SLC8A2: variants seen among roughly 807,000 people sequenced by gnomAD.
The protein encoded by SLC8A2 is solute carrier family 8 member A2.
Under a neutral mutation model 70.2 loss-of-function variants are expected in SLC8A2, and 14 were observed. The ratio of observed to expected loss-of-function variants is 0.20; its 90% CI spans 0.13 to 0.31. The LOEUF is 0.31. Among genes scored for constraint, SLC8A2 ranks in the 10% least tolerant of loss-of-function variants. The pLI, the probability that SLC8A2 is intolerant of heterozygous loss-of-function variation, is 1.00. For missense variants in SLC8A2, 779 were observed against 1,320.1 expected (o/e 0.59, Z 6.35); for synonymous variants, 575 against 594.3 (o/e 0.97, Z 0.47).
chr19:47,458,006 A>T (rs1292429034), intron 2 of SLC8A2, among the ~76,000 whole-genome samples: 1 of 151,298 alleles, frequency 6.6e-6, no homozygotes, highest in Admixed American at 6.6e-5. Flanking sequence ...ATGCGCCACC[A>T]TGGCCAGCTA....
intron 6 of SLC8A2, among the ~76,000 whole-genome samples, chr19:47,439,433 G>A (rs1360166728): frequency 6.6e-6 from 1 of 152,138 alleles, no homozygotes; most frequent in Non-Finnish European, 1.5e-5. Flanking sequence ...TCGGGAGGCT[G>A]AGGCAGGAGA....
In SLC8A2 at chr19:47,432,400, G is replaced by A; in HGVS notation, c.2156C>T (p.Pro719Leu). Residue 719 changes from proline to leucine, a missense_variant, in exon 9 of 10, where the codon CCG becomes CTG. Physicochemically the swap from Pro to Leu is moderately conservative, Grantham distance 98. This residue lies in a region of SLC8A2 where 247 missense variants were observed against 362.8 expected (regional missense o/e 0.68). Coordinates refer to ENST00000236877, the MANE Select transcript of SLC8A2 (RefSeq NM_015063.3). The surrounding 1 kb of genome is among the most constrained non-coding windows in gnomAD (Gnocchi z 6.2). ...EEDGSREERL[P>L]SCFDYVMHFL... ...GTGCATCACGTAGTCAAAGCACGACGGCAGCCGCTCCTCCCGGGACCCGTC... is the reference window on the plus strand; with the variant it reads ...GTGCATCACGTAGTCAAAGCACGACAGCAGCCGCTCCTCCCGGGACCCGTC... 2.5e-6 allele frequency: 4 copies of A among 1,611,318 alleles called. No individual in the cohort carries two copies. The highest frequency in any genetic ancestry group is 1.7e-6 in the Non-Finnish European group (2 of 1,178,628).
At position 47,466,313 on chromosome 19, in the gene SLC8A2, G is replaced by T. The variant is rs1199078953; in HGVS notation, c.91C>A (p.Pro31Thr). The change falls in exon 2 of 10, where the codon CCC (proline) becomes ACC (threonine). Residue 31 changes from proline (P) to threonine (T), a missense_variant. Physicochemically the swap from Pro to Thr is conservative, Grantham distance 38. Around this residue, in one of 6 missense-constraint regions of SLC8A2, gnomAD observed 65 missense variants for 61.3 expected, o/e 1.06. Transcript: ENST00000236877. This position sits in a 1 kb window ranked among gnomAD's most constrained non-coding sequence, Gnocchi z 6.9. ...AATPTPSLPP[P>T]PANDSDTSTG... ...CTGGTGTCGCTGTCATTGGCCGGGG[G>T]AGGCGGCAGGGAGGGGGTTGGGGTG... 1 of 1,487,966 alleles carries T rather than the reference G, an allele frequency of 6.7e-7. No homozygotes were observed. The allele number at this position is 1,487,966 out of a possible 1,614,324, so 92.2% of individuals were successfully genotyped here. A position where few individuals can be genotyped will look rare whatever the true frequency, so the allele number is the denominator to read the frequency against.
chr19:47,437,544 G>A lies in SLC8A2; in HGVS notation c.2028C>T (p.Leu676=). The A allele has an allele frequency of 2.5e-6, 4 of 1,613,570 alleles. No homozygotes were observed. The highest frequency in any genetic ancestry group is 1.1e-5 in the South Asian group (1 of 91,074). Residue 676 remains leucine, a synonymous_variant, in exon 8 of 10, where the codon CTC becomes CTT. Coordinates refer to ENST00000236877, the MANE Select transcript of SLC8A2 (RefSeq NM_015063.3). ...CCAAGGCCAAGTTCGTTTTCTTGATGAGTTTATCCACCGTGTTCTGGGGAT... is the reference window on the plus strand; with the variant it reads ...CCAAGGCCAAGTTCGTTTTCTTGATAAGTTTATCCACCGTGTTCTGGGGAT... ...SYDFKNTVDK[L]IKKTNLALVI...
chr19:47,448,081 G>A lies in SLC8A2; in HGVS notation c.1491C>T (p.Asp497=), dbSNP rs1459154992. The A allele has an allele frequency of 1.9e-6, 3 of 1,599,430 alleles. No homozygotes were observed. The highest frequency in any genetic ancestry group is 2.2e-5 in the South Asian group (2 of 89,752). The change falls in exon 4 of 10, where the codon GAC becomes GAT. Residue 497 remains aspartate, a synonymous_variant. Coordinates refer to ENST00000236877, the MANE Select transcript of SLC8A2 (RefSeq NM_015063.3). The surrounding 1 kb of genome is among the most constrained non-coding windows in gnomAD (Gnocchi z 4.8). The part of the protein sequence containing the change: ...VGDAQGMFEP[D]GGGRPKGRLV... The stretch of plus-strand genomic sequence containing the variant: ...GCCGCCCCTTGGGCCGCCCGCCGCC[G>A]TCCGGCTCGAACATGCCCTGCGCGT...
At position 47,441,359 on chromosome 19, in the gene SLC8A2, C is replaced by G; in HGVS notation, c.1845G>C (p.Gln615His). 5.6e-6 allele frequency: 9 copies of G among 1,613,658 alleles called. No individual in the cohort carries two copies. Among genetic ancestry groups the G allele is most frequent in the Non-Finnish European group, 7.6e-6 (9 of 1,179,504 alleles). The part of the protein sequence containing the change: ...DNFFIELGQP[Q>H]WLKRGISALL... ...CACCTGAAATCCCTCGCTTAAGCCA[C>G]TGGGGCTGGCCCAGCTCAATGAAGA... The change falls in exon 5 of 10, where the codon CAG becomes CAC. Residue 615 changes from glutamine (Q) to histidine (H), a missense_variant. This residue lies in a region of SLC8A2 where 247 missense variants were observed against 362.8 expected (regional missense o/e 0.68). Transcript: ENST00000236877.
intron 3 of SLC8A2, among the ~76,000 whole-genome samples, chr19:47,451,842 A>G (rs1200249785): frequency 2.6e-5 from 4 of 152,226 alleles, no homozygotes; most frequent in Non-Finnish European, 5.9e-5. Flanking sequence ...CTGGCCTATC[A>G]TCTTCAAAAG....
intron 2 of SLC8A2, among the ~76,000 whole-genome samples, chr19:47,458,205 C>T (rs1349026746): frequency 2.0e-5 from 3 of 149,254 alleles, no homozygotes; most frequent in Non-Finnish European, 4.5e-5. Context: ...CTCTCCCCAC[C>T]TCTTTCTGAC....
Position 47,466,587 on chromosome 19 carries a change from CAG to C in SLC8A2, c.-16-170_-16-169del, listed in dbSNP as rs10611886. ...ACAGAGAGTGACAGACAGAGACCCA[CAG>C]AGAGAGAGAGAGACTGAAAGATAAG... On this transcript the variant is annotated intron_variant, in intron 1 of 9. Coordinates refer to ENST00000236877, the MANE Select transcript of SLC8A2 (RefSeq NM_015063.3). The surrounding 1 kb of genome is among the most constrained non-coding windows in gnomAD (Gnocchi z 6.9). Among the ~76,000 whole-genome samples the C allele has an allele frequency of 0.68, 102,574 of 150,988 alleles. 37,048 individuals carry two copies. Among genetic ancestry groups the C allele is most frequent in the Non-Finnish European group, 0.82 (55,242 of 67,668 alleles).
chr19:47,432,152 C>T lies in SLC8A2; in HGVS notation c.2389+15G>A, dbSNP rs200804892. On this transcript the variant is annotated intron_variant, in intron 9 of 9. Transcript: ENST00000236877. The surrounding 1 kb of genome is among the most constrained non-coding windows in gnomAD (Gnocchi z 6.2). ...ATCTGAGATCCTACCCCACCAAAGT[C>T]TCCCAGGGTGTTACCAGGGATGGAG... 2.8e-5 allele frequency: 44 copies of T among 1,589,390 alleles called. No individual in the cohort carries two copies. Among genetic ancestry groups the T allele is most frequent in the Middle Eastern group, 1.7e-4 (1 of 5,962 alleles).
intron 2 of SLC8A2, among the ~76,000 whole-genome samples, chr19:47,461,869 G>T (rs191095076): frequency 6.6e-6 from 1 of 152,130 alleles, no homozygotes; most frequent in Non-Finnish European, 1.5e-5. Context: ...CACCCACTAA[G>T]AATGTGTCCA....
rs147929252 is a variant in SLC8A2 at position 47,447,796 on chromosome 19, C to T, written c.1763+13G>A. ...AGCCCCGCCCCTCTCCGGGCCGCCT[C>T]GGGCGTGCTCACATGGTCTCGTCGT... On this transcript the variant is annotated intron_variant, in intron 4 of 9. Coordinates refer to ENST00000236877, the MANE Select transcript of SLC8A2 (RefSeq NM_015063.3). The surrounding 1 kb of genome is among the most constrained non-coding windows in gnomAD (Gnocchi z 5.1). 4.0e-3 allele frequency: 6,368 copies of T among 1,575,492 alleles called. 17 individuals carry two copies. Among genetic ancestry groups the T allele is most frequent in the Non-Finnish European group, 4.8e-3 (5,623 of 1,170,846 alleles).
intron 1 of SLC8A2, among the ~76,000 whole-genome samples, chr19:47,467,390 T>G (rs990305853): frequency 1.3e-5 from 2 of 152,196 alleles, no homozygotes; most frequent in African/African-American, 4.8e-5. Flanking sequence ...GGATTTGGGC[T>G]GTGGCGGGTG....
At position 47,441,377 on chromosome 19, in the gene SLC8A2, AATGAAGAAAT is replaced by A; in HGVS notation, c.1817_1826del (p.Asn606MetfsTer27). 6.2e-7 allele frequency: 1 copy of A among 1,613,992 alleles called. No individual in the cohort carries two copies. ...TAAGCCACTGGGGCTGGCCCAGCTC[AATGAAGAAAT>A]TATCCTTTTTCTCATATTCCTCGTC... On this transcript the variant is annotated frameshift_variant, in exon 5 of 10. Transcript: ENST00000236877. LOFTEE classifies it high-confidence loss of function.
At chr19:47,449,178 A>T (rs1742531403) in intron 3 of SLC8A2, among the ~76,000 whole-genome samples, 2 of 152,100 alleles carry the variant, frequency 1.3e-5, no homozygotes, top group African/African-American at 4.8e-5. Context: ...GGTGCTATGG[A>T]GAGAAACAGG....
Position 47,466,149 on chromosome 19 carries a change from TC to T in SLC8A2, c.254del (p.Gly85GlufsTer111). 1 of 1,614,186 alleles carries T rather than the reference TC, an allele frequency of 6.2e-7. No homozygotes were observed. Among genetic ancestry groups the T allele is most frequent in the Non-Finnish European group, 8.5e-7 (1 of 1,180,024 alleles). ...YFVAMVYMFL[G>X]VSIIADRFMA... ...TGAAACGGTCGGCGATGATGGACAC[TC>T]CCAGAAACATGTAGACCATGGCCAC... On this transcript the variant is annotated frameshift_variant, in exon 2 of 10. Coordinates refer to ENST00000236877, the MANE Select transcript of SLC8A2 (RefSeq NM_015063.3). LOFTEE classifies it high-confidence loss of function. This position sits in a 1 kb window ranked among gnomAD's most constrained non-coding sequence, Gnocchi z 6.9.
In SLC8A2 at chr19:47,452,445, A is replaced by AGT. The variant is rs1158828688; in HGVS notation, c.1341-4216_1341-4215dup. On this transcript the variant is annotated intron_variant, in intron 3 of 9. Coordinates refer to ENST00000236877, the MANE Select transcript of SLC8A2 (RefSeq NM_015063.3). ...GAGAGAGAGAGAGAGAGAGAGAGAGAGTGTGTGTGTGTGTGTGTGTGTGTG... is the reference window on the plus strand; with the variant it reads ...GAGAGAGAGAGAGAGAGAGAGAGAGAGTGTGTGTGTGTGTGTGTGTGTGTGTG... Among the ~76,000 whole-genome samples, 283 of 54,082 alleles carry AGT rather than the reference A, an allele frequency of 5.2e-3. 4 individuals are homozygous for AGT. The highest frequency in any genetic ancestry group is 0.02 in the African/African-American group (221 of 10,976). 35.5% of individuals were successfully genotyped at this position (54,082 alleles called of 152,430 possible).
intron 4 of SLC8A2, among the ~76,000 whole-genome samples, chr19:47,444,768 C>G (rs1287942770): frequency 2.0e-5 from 3 of 152,188 alleles, no homozygotes; most frequent in Non-Finnish European, 4.4e-5. Flanking sequence ...AAGAGGGACT[C>G]GAGCTAGACC....
intron 7 of SLC8A2, 32 bp downstream of exon 7, chr19:47,437,817 G>A: frequency 1.2e-6 from 2 of 1,613,366 alleles, no homozygotes; most frequent in African/African-American, 2.7e-5. Context: ...AACCAGGCTG[G>A]ACTCCAGGAA....
Sources: gnomAD v4.1 joint callset for allele counts (sites outside exome capture counted in the v4.1 genomes callset) on GRCh38, gnomAD v4.1.1 for gene constraint, gnomAD v4.1.1 regional missense constraint, Gnocchi (gnomAD v3.1) non-coding constraint, MANE v1.5 for transcripts, NCBI Gene and HGNC (gene_info 2026-07-23, HGNC 2026-07-21) for gene names.